MS4A14: variants seen among roughly 807,000 people sequenced by gnomAD.
MS4A14 encodes the protein membrane spanning 4-domains A14, also known as membrane-spanning 4-domains subfamily A member 14.
In MS4A14, 18 loss-of-function variants were observed where a neutral mutation model predicts 16.7. That is an observed-to-expected ratio of 1.08 (90% CI 0.75 to 1.60). The LOEUF (loss-of-function observed/expected upper bound fraction) is 1.60. Among genes scored for constraint, MS4A14 ranks in the 40% most tolerant of loss-of-function variants. The pLI, the probability that MS4A14 is intolerant of heterozygous loss-of-function variation, is 0.00. For missense variants in MS4A14, 812 were observed against 775.3 expected, an observed-to-expected ratio of 1.05 and a Z score of -0.56; for synonymous variants, 305 against 289.4, an observed-to-expected ratio of 1.05 and a Z score of -0.55.
At chr11:60,403,991 A>T (rs544996920) in intron 4 of MS4A14, among the ~76,000 whole-genome samples, 2 of 152,280 alleles carry the variant, frequency 1.3e-5, no homozygotes, top group South Asian at 4.1e-4. Context: ...CTAAAATTAG[A>T]CTCATGATAG....
At chr11:60,414,667 A>C (rs2085913151) in intron 4 of MS4A14, among the ~76,000 whole-genome samples, 1 of 152,150 alleles carries the variant, frequency 6.6e-6, no homozygotes, top group South Asian at 2.1e-4. Flanking sequence ...TTATTTGTAA[A>C]GGAAAGTCCA....
intron 4 of MS4A14, among the ~76,000 whole-genome samples, chr11:60,413,261 A>T (rs894405867): frequency 2.0e-5 from 3 of 151,864 alleles, no homozygotes; most frequent in African/African-American, 7.2e-5. Flanking sequence ...TTCTTAGTAG[A>T]TAACCATTTT....
intron 4 of MS4A14, among the ~76,000 whole-genome samples, chr11:60,414,462 A>G (rs2085909253): frequency 6.6e-6 from 1 of 152,170 alleles, no homozygotes; most frequent in African/African-American, 2.4e-5. Context: ...TTCATCAAAT[A>G]GAACAAGTAG....
chr11:60,416,390 G>A lies in MS4A14; in HGVS notation c.1422G>A (p.Glu474=). ...VMEETKEWKS[E]EELHRRKSSR... is the part of the protein sequence containing the mutation. ...AAGAGACCAAAGAATGGAAATCTGA[G>A]GAGGAACTCCATAGAAGAAAATCCT... The change falls in exon 5 of 5, where the codon GAG becomes GAA. Residue 474 remains glutamate, a synonymous_variant. Coordinates refer to ENST00000300187, the MANE Select transcript of MS4A14 (RefSeq NM_032597.5). The A allele has an allele frequency of 6.2e-7, 1 of 1,613,936 alleles. No individual in the cohort carries two copies. The highest frequency in any genetic ancestry group is 1.1e-5 in the South Asian group (1 of 91,076).
At chr11:60,400,205 G>A (rs115528244) in intron 2 of MS4A14, among the ~76,000 whole-genome samples, 199 bp from the exon 3 acceptor site, 1,658 of 152,288 alleles carry the variant, frequency 0.011, 27 homozygotes, top group African/African-American at 0.038. Context: ...GAGAGCGCTT[G>A]TTCAGTGCTG....
Position 60,415,768 on chromosome 11 carries a change from T to TA in MS4A14, c.801dup (p.Asp268ArgfsTer5). Reference sequence around the variant, plus strand: ...CCCTCAGAAAATATGTCCATTCAGCTAGACTCTACATTTAAACAAATGAAA... The same window carrying TA: ...CCCTCAGAAAATATGTCCATTCAGCTAAGACTCTACATTTAAACAAATGAAA... On this transcript the variant is annotated frameshift_variant, in exon 5 of 5. Coordinates refer to ENST00000300187, the MANE Select transcript of MS4A14 (RefSeq NM_032597.5). LOFTEE classifies it low-confidence loss of function (END_TRUNC). 1 of 1,613,968 alleles carries TA rather than the reference T, an allele frequency of 6.2e-7. No individual in the cohort carries two copies. Among genetic ancestry groups the TA allele is most frequent in the East Asian group, 2.2e-5 (1 of 44,876 alleles).
At chr11:60,399,952 A>T (rs1200406212) in intron 2 of MS4A14, among the ~76,000 whole-genome samples, 1 of 152,160 alleles carries the variant, frequency 6.6e-6, no homozygotes, top group Non-Finnish European at 1.5e-5. Flanking sequence ...CTGAGGTGGT[A>T]CTAGGCTCTA....
intron 4 of MS4A14, among the ~76,000 whole-genome samples, chr11:60,405,436 C>T (rs144826474): frequency 5.9e-4 from 90 of 152,292 alleles, no homozygotes; most frequent in African/African-American, 2.2e-3. Flanking sequence ...ACTTTTGAGA[C>T]ACCATAAGGT....
At chr11:60,408,283 C>A (rs1218777730) in intron 4 of MS4A14, among the ~76,000 whole-genome samples, 3 of 152,164 alleles carry the variant, frequency 2.0e-5, no homozygotes, top group Non-Finnish European at 2.9e-5. Flanking sequence ...ATTTCTGTGT[C>A]TTTAGAGTAA....
chr11:60,400,200 C>T (rs190044477), intron 2 of MS4A14, among the ~76,000 whole-genome samples: 56 of 152,262 alleles, frequency 3.7e-4, no homozygotes, highest in African/African-American at 1.3e-3. Flanking sequence ...TGGCAGAGAG[C>T]GCTTGTTCAG....
In MS4A14 at chr11:60,417,687, AATGTTAACACTGT is replaced by A. The variant is rs2085967033; in HGVS notation, c.*682_*694del. Reference sequence around the variant, plus strand: ...CTTAAAATAAAATGACAACAAACCAAATGTTAACACTGTATCATCACTTTATGTATGTGAAGAA... The same window carrying A: ...CTTAAAATAAAATGACAACAAACCAAATCATCACTTTATGTATGTGAAGAA... On this transcript the variant is annotated 3_prime_UTR_variant, in exon 5 of 5. Coordinates refer to ENST00000300187, the MANE Select transcript of MS4A14 (RefSeq NM_032597.5). 6.6e-6 allele frequency: 1 copy of A among 151,896 alleles called. No homozygotes were observed. The highest frequency in any genetic ancestry group is 2.1e-4 in the South Asian group (1 of 4,836). 9.4% of individuals were successfully genotyped at this position (151,896 alleles called of 1,614,324 possible).
rs978469443 is a variant in MS4A14, at chr11:60,416,035, C to T, written c.1067C>T (p.Pro356Leu). ...QSSNLTANDLPPQGILSQDTS... is the reference protein window; with the variant it reads ...QSSNLTANDLLPQGILSQDTS... The stretch of plus-strand genomic sequence containing the variant: ...TCTAATCTGACAGCTAATGACCTGC[C>T]CCCTCAAGGCATACTATCCCAAGAC... Residue 356 changes from proline (P) to leucine (L), a missense_variant, in exon 5 of 5, where the codon CCC becomes CTC. Pro to Leu is a moderately conservative substitution (Grantham distance 98). Transcript: ENST00000300187. 6.2e-7 allele frequency: 1 copy of T among 1,613,638 alleles called. No homozygotes were observed. The highest frequency in any genetic ancestry group is 8.5e-7 in the Non-Finnish European group (1 of 1,179,900).
At position 60,416,481 on chromosome 11, in the gene MS4A14, G is replaced by A. The variant is rs536240650; in HGVS notation, c.1513G>A (p.Val505Met). ...ATACTTAAGGAGACATTCTTTAGAC[G>A]TGCAAGCCAAAGGCCAGAAATCCTC... ...LQYLRRHSLD[V>M]QAKGQKSSKR... The change falls in exon 5 of 5, where the codon GTG becomes ATG. Residue 505 changes from valine (V) to methionine (M), a missense_variant. By Grantham distance (21) the Val-to-Met change is conservative (BLOSUM62 1). Coordinates refer to ENST00000300187, the MANE Select transcript of MS4A14 (RefSeq NM_032597.5). The A allele has an allele frequency of 1.1e-5, 17 of 1,613,888 alleles. No individual in the cohort carries two copies. Among genetic ancestry groups the A allele is most frequent in the Admixed American group, 8.3e-5 (5 of 59,968 alleles).
chr11:60,416,539 G>T lies in MS4A14; in HGVS notation c.1571G>T (p.Gly524Val), dbSNP rs374402343. 1 of 1,613,732 alleles carries T rather than the reference G, an allele frequency of 6.2e-7. No individual in the cohort carries two copies. Among genetic ancestry groups the T allele is most frequent in the Non-Finnish European group, 8.5e-7 (1 of 1,179,912 alleles). Reference protein sequence around the residue: ...KRHSLDQQSKGWQSPKQKSLD... With the variant: ...KRHSLDQQSKVWQSPKQKSLD... The stretch of plus-strand genomic sequence containing the variant: ...CATTCCTTAGATCAGCAAAGCAAAG[G>T]CTGGCAATCTCCAAAGCAGAAATCC... The change falls in exon 5 of 5, where the codon GGC (glycine) becomes GTC (valine). Residue 524 changes from glycine to valine, a missense_variant. By Grantham distance (109) the Gly-to-Val change is moderately radical. Transcript: ENST00000300187.
At chr11:60,403,399 G>A (rs1468266785) in intron 4 of MS4A14, among the ~76,000 whole-genome samples, 1 of 152,154 alleles carries the variant, frequency 6.6e-6, no homozygotes, top group Non-Finnish European at 1.5e-5. Flanking sequence ...CAGTTAAATA[G>A]TCAGTAGGTT....
chr11:60,408,265 C>T (rs914406437), intron 4 of MS4A14, among the ~76,000 whole-genome samples: 2 of 152,206 alleles, frequency 1.3e-5, no homozygotes, highest in Admixed American at 1.3e-4. Context: ...GTATTCTACA[C>T]TCTCTTCATT....
At chr11:60,400,745 G>C (rs2085701617) in intron 3 of MS4A14, among the ~76,000 whole-genome samples, 1 of 152,052 alleles carries the variant, frequency 6.6e-6, no homozygotes, top group Non-Finnish European at 1.5e-5. Context: ...CACCCCCCAG[G>C]ACCCAGAAAT....
chr11:60,415,142 C>T (rs897319052), intron 4 of MS4A14, among the ~76,000 whole-genome samples: 3 of 151,988 alleles, frequency 2.0e-5, no homozygotes, highest in Admixed American at 6.6e-5. Flanking sequence ...TGAATATTGA[C>T]TAGATGATAT....
intron 4 of MS4A14, among the ~76,000 whole-genome samples, chr11:60,414,699 A>G (rs1453082732): frequency 6.6e-6 from 1 of 152,098 alleles, no homozygotes; most frequent in Non-Finnish European, 1.5e-5. Flanking sequence ...CTAGCATACC[A>G]TCTAATAATA....
Sources: gnomAD v4.1 joint callset for allele counts (sites outside exome capture counted in the v4.1 genomes callset) on GRCh38, gnomAD v4.1.1 for gene constraint, MANE v1.5 for transcripts, NCBI Gene and HGNC (gene_info 2026-07-23, HGNC 2026-07-21) for gene names.